The following DLGAP1 variants were observed in gnomAD, a reference collection of about 807,000 sequenced individuals.
DLGAP1 encodes the protein DLG associated protein 1.
In DLGAP1, 11 loss-of-function variants were observed where a neutral mutation model predicts 90.8. That is an observed-to-expected ratio of 0.12 (90% CI 0.08 to 0.20). The LOEUF (loss-of-function observed/expected upper bound fraction) is 0.20. DLGAP1 is among the 10% of genes least tolerant of loss of function. The pLI, the probability that DLGAP1 is intolerant of heterozygous loss-of-function variation, is 1.00. For synonymous variants in DLGAP1, 558 were observed against 540.7 expected, an observed-to-expected ratio of 1.03 and a Z score of -0.44; for missense variants, 1,050 against 1,333.8, an observed-to-expected ratio of 0.79 and a Z score of 3.31.
At chr18:4,430,372 A>T (rs1263146188) in intron 1 of DLGAP1, among the ~76,000 whole-genome samples, 1 of 152,160 alleles carries the variant, frequency 6.6e-6, no homozygotes, top group Admixed American at 6.5e-5. Flanking sequence ...GTTTTTATAC[A>T]GTCATTAATA....
chr18:4,002,789 T>C (rs1392406377), intron 3 of DLGAP1, among the ~76,000 whole-genome samples: 2 of 152,208 alleles, frequency 1.3e-5, no homozygotes, highest in East Asian at 1.9e-4. Context: ...CATGGTCATA[T>C]TGACGTCCAT....
chr18:4,450,774 G>C (rs187855642), intron 1 of DLGAP1, among the ~76,000 whole-genome samples: 32 of 152,332 alleles, frequency 2.1e-4, no homozygotes, highest in Admixed American at 9.8e-4. Context: ...AGCAAACCAT[G>C]ATAAGTGAAT....
chr18:3,946,311 T>C (rs993684690), intron 3 of DLGAP1, among the ~76,000 whole-genome samples: 1 of 152,180 alleles, frequency 6.6e-6, no homozygotes, highest in East Asian at 1.9e-4. Flanking sequence ...ACATGAAGTA[T>C]AGGGACTGTA....
rs771058090 is a variant in DLGAP1, at chr18:3,742,398, G to A, written c.1287C>T (p.Leu429=). The A allele has an allele frequency of 6.2e-7, 1 of 1,614,154 alleles. No homozygotes were observed. Among genetic ancestry groups the A allele is most frequent in the Non-Finnish European group, 8.5e-7 (1 of 1,180,030 alleles). ...SLDSLDPAGL[L]TSPKFRSRNE... is the part of the protein sequence containing the mutation. ...TCCTGGAGCGGAACTTTGGTGATGT[G>A]AGCAAGCCTGCAGGGTCCAGGCTGT... The change falls in exon 6 of 13, where the codon CTC becomes CTT. Residue 429 remains leucine (L), a synonymous_variant. Transcript: ENST00000315677.
chr18:4,387,924 CACACA>C (rs201248245), intron 1 of DLGAP1, among the ~76,000 whole-genome samples: 69,755 of 113,242 alleles, frequency 0.62, 18,324 homozygotes, highest in South Asian at 0.73. Context: ...GAGACTCCAT[CACACA>C]TACACACACA....
At chr18:4,177,204 C>T (rs937442703) in intron 1 of DLGAP1, among the ~76,000 whole-genome samples, 27 of 152,116 alleles carry the variant, frequency 1.8e-4, no homozygotes, top group Admixed American at 1.7e-3. Flanking sequence ...CAGTATATGC[C>T]CCTTGCAAAT....
Position 3,729,319 on chromosome 18 carries a change from G to T in DLGAP1, c.1407C>A (p.Ser469Arg), listed in dbSNP as rs1304485335. The T allele has an allele frequency of 6.2e-7, 1 of 1,613,978 alleles. No individual in the cohort carries two copies. The highest frequency in any genetic ancestry group is 1.3e-5 in the African/African-American group (1 of 74,930). ...QFESVCESVF[S>R]ELESQAVEAL... ...CTTCCACGGCCTGCGACTCCAGCTC[G>T]CTGAACACGGACTCGCACACGGACT... Residue 469 changes from serine (S) to arginine (R), a missense_variant, in exon 7 of 13, where the codon AGC becomes AGA. Ser to Arg is a moderately radical substitution (Grantham distance 110). Transcript: ENST00000315677. This position sits in a 1 kb window ranked among gnomAD's most constrained non-coding sequence, Gnocchi z 6.2.
chr18:3,652,379 G>A (rs2059345874), intron 7 of DLGAP1, among the ~76,000 whole-genome samples: 1 of 152,126 alleles, frequency 6.6e-6, no homozygotes, highest in East Asian at 1.9e-4. Context: ...CCAGGCTGGA[G>A]TGCAGTGGCG....
chr18:3,611,460 G>A (rs1355466475), intron 7 of DLGAP1, among the ~76,000 whole-genome samples: 1 of 152,090 alleles, frequency 6.6e-6, no homozygotes, highest in Non-Finnish European at 1.5e-5. Context: ...GCCTTCCAAC[G>A]GCAGCTGTCT....
intron 10 of DLGAP1, among the ~76,000 whole-genome samples, chr18:3,525,790 T>C (rs1473911901): frequency 1.3e-5 from 2 of 152,232 alleles, no homozygotes; most frequent in African/African-American, 4.8e-5. Context: ...TTGCCATCTC[T>C]GGAATGACAG....
intron 2 of DLGAP1, among the ~76,000 whole-genome samples, chr18:4,041,784 A>G (rs2074979150): frequency 6.6e-6 from 1 of 152,188 alleles, no homozygotes. Context: ...ATGGTGACCA[A>G]TTGCTCTTCA....
At chr18:3,745,614 C>T (rs1359155445) in intron 5 of DLGAP1, among the ~76,000 whole-genome samples, 2 of 152,182 alleles carry the variant, frequency 1.3e-5, no homozygotes, top group Admixed American at 6.5e-5. Context: ...GTTCTAAGAA[C>T]AGCCAGAAAA....
chr18:3,765,117 C>CT lies in DLGAP1; in HGVS notation c.1173-22606dup, dbSNP rs921982904. On this transcript the variant is annotated intron_variant, in intron 5 of 12. Transcript: ENST00000315677. Reference sequence around the variant, plus strand: ...CAGAATCTCCATGCACACTTGCAAACTTTTTTTTTTTTCTTTTTTTTTTTT... The same window carrying CT: ...CAGAATCTCCATGCACACTTGCAAACTTTTTTTTTTTTTCTTTTTTTTTTTT... Among the ~76,000 whole-genome samples the CT allele has an allele frequency of 9.7e-4, 122 of 126,332 alleles. 4 individuals carry two copies. The highest frequency in any genetic ancestry group is 1.6e-3 in the African/African-American group (54 of 33,200). The allele number at this position is 126,332 out of a possible 152,430, so 82.9% of individuals were successfully genotyped here.
chr18:3,584,400 T>G (rs1259068397), intron 7 of DLGAP1, among the ~76,000 whole-genome samples: 1 of 152,022 alleles, frequency 6.6e-6, no homozygotes, highest in Non-Finnish European at 1.5e-5. Flanking sequence ...AATACTTGCT[T>G]CAACATTGAA....
intron 3 of DLGAP1, among the ~76,000 whole-genome samples, chr18:3,936,109 A>AC (rs906182474): frequency 2.0e-5 from 3 of 151,678 alleles, no homozygotes; most frequent in African/African-American, 7.3e-5. Context: ...TACAGGCTGA[A>AC]CCCCCCCAGA....
chr18:3,646,840 GC>G (rs1159060169), intron 7 of DLGAP1, among the ~76,000 whole-genome samples: 1 of 152,144 alleles, frequency 6.6e-6, no homozygotes, highest in Non-Finnish European at 1.5e-5. Flanking sequence ...CAGGAGAATG[GC>G]TTGAACCCGG....
intron 3 of DLGAP1, among the ~76,000 whole-genome samples, chr18:3,970,729 A>T (rs1425436022): frequency 1.3e-5 from 2 of 152,186 alleles, no homozygotes; most frequent in African/African-American, 4.8e-5. Flanking sequence ...AGGATATGTT[A>T]TTACTAAATC....
At chr18:4,412,591 A>G (rs533505045) in intron 1 of DLGAP1, among the ~76,000 whole-genome samples, 1 of 152,276 alleles carries the variant, frequency 6.6e-6, no homozygotes, top group South Asian at 2.1e-4. Context: ...ATGGAGAAAC[A>G]TAAAGTTTAA....
chr18:3,891,314 T>A (rs1054030265), intron 3 of DLGAP1, among the ~76,000 whole-genome samples: 1 of 152,172 alleles, frequency 6.6e-6, no homozygotes, highest in South Asian at 2.1e-4. Flanking sequence ...TCTATGATCC[T>A]TCTACCTCAC....
Sources: gnomAD v4.1 joint callset for allele counts (sites outside exome capture counted in the v4.1 genomes callset) on GRCh38, gnomAD v4.1.1 for gene constraint, Gnocchi (gnomAD v3.1) non-coding constraint, MANE v1.5 for transcripts, NCBI Gene and HGNC (gene_info 2026-07-23, HGNC 2026-07-21) for gene names.